Variants in THSD7B observed in about 807,000 individuals in gnomAD.
THSD7B encodes thrombospondin type-1 domain-containing protein 7B.
Under a neutral mutation model 213.6 loss-of-function variants are expected in THSD7B, and 138 were observed. The observed-to-expected ratio is 0.65, with a 90% confidence interval of 0.56 to 0.74. The LOEUF (loss-of-function observed/expected upper bound fraction) is 0.74, where lower values mean the gene tolerates loss of function less well. Among genes scored for constraint, THSD7B ranks in the 30% least tolerant of loss-of-function variants. THSD7B has a pLI of 0.00. For synonymous variants in THSD7B, 742 were observed against 687.0 expected (o/e 1.08, Z -1.25); for missense variants, 1,931 against 1,991.5 (o/e 0.97, Z 0.58).
intron 2 of THSD7B, among the ~76,000 whole-genome samples, chr2:136,888,510 AAT>A (rs1428016367): frequency 6.6e-6 from 1 of 152,136 alleles, no homozygotes; most frequent in African/African-American, 2.4e-5. Context: ...TATTTTTTAA[AAT>A]ATGTGCTAGA....
chr2:137,089,109 T>C (rs1397834789), intron 3 of THSD7B, among the ~76,000 whole-genome samples: 5 of 151,908 alleles, frequency 3.3e-5, no homozygotes, highest in Admixed American at 1.3e-4. Flanking sequence ...GATCCAGCAA[T>C]CCTACTACCC....
intron 2 of THSD7B, among the ~76,000 whole-genome samples, chr2:136,928,153 C>T (rs946255797): frequency 3.3e-5 from 5 of 152,214 alleles, no homozygotes; most frequent in African/African-American, 1.2e-4. Flanking sequence ...TACCAAACAT[C>T]ATAGCTTAGC....
chr2:137,577,201 G>A (rs1293341754), intron 17 of THSD7B, among the ~76,000 whole-genome samples: 6 of 151,944 alleles, frequency 3.9e-5, no homozygotes, highest in Non-Finnish European at 8.8e-5. Context: ...CATTACTCAG[G>A]GGCTTGCAGC....
chr2:137,142,636 C>T (rs536321999), intron 5 of THSD7B, among the ~76,000 whole-genome samples: 1 of 152,072 alleles, frequency 6.6e-6, no homozygotes, highest in South Asian at 2.1e-4. Context: ...TATCTTTTCT[C>T]ACTTAATATT....
intron 2 of THSD7B, among the ~76,000 whole-genome samples, chr2:136,921,780 T>G (rs1350162268): frequency 1.3e-5 from 2 of 152,218 alleles, no homozygotes; most frequent in African/African-American, 4.8e-5. Flanking sequence ...ACTGTCGTTT[T>G]CATTACAGTC....
chr2:137,115,031 A>G (rs1688419590), intron 4 of THSD7B, 93 bp from the exon 5 acceptor site: 27 of 1,420,842 alleles, frequency 1.9e-5, no homozygotes, highest in Non-Finnish European at 2.4e-5. Flanking sequence ...AGAAAGAGAG[A>G]TTATGCCTCT....
intron 12 of THSD7B, among the ~76,000 whole-genome samples, chr2:137,320,971 C>A (rs574815329): frequency 6.6e-6 from 1 of 152,166 alleles, no homozygotes; most frequent in Non-Finnish European, 1.5e-5. Context: ...TGGCTTTGAG[C>A]GTGTGTGTGC....
chr2:137,486,030 G>A lies in THSD7B; in HGVS notation c.3138+35007G>A, dbSNP rs898008335. Among the ~76,000 whole-genome samples, 113 of 152,256 alleles carry A rather than the reference G, an allele frequency of 7.4e-4. 1 individual carries two copies. The highest frequency in any genetic ancestry group is 2.6e-4 in the African/African-American group (11 of 41,552). ...TGGAAAGGAACAACCGGTACCAGCC[G>A]CTGCAAAATCATGCCAAATTGTAAA... On this transcript the variant is annotated intron_variant, in intron 15 of 27. Transcript: ENST00000409968.
chr2:136,871,241 G>A (rs1295666028), intron 1 of THSD7B, among the ~76,000 whole-genome samples: 1 of 152,130 alleles, frequency 6.6e-6, no homozygotes, highest in Non-Finnish European at 1.5e-5. Flanking sequence ...GTTCAGGGGC[G>A]AAGTCAGGTT....
chr2:137,142,677 C>G (rs1215238084), intron 5 of THSD7B, among the ~76,000 whole-genome samples: 1 of 152,004 alleles, frequency 6.6e-6, no homozygotes, highest in Non-Finnish European at 1.5e-5. Flanking sequence ...TATGTTATCA[C>G]ACTAGGTAGG....
intron 1 of THSD7B, among the ~76,000 whole-genome samples, chr2:136,857,906 A>G (rs1346086299): frequency 6.6e-6 from 1 of 152,216 alleles, no homozygotes; most frequent in African/African-American, 2.4e-5. Context: ...TTGCTGTTCT[A>G]GCATCTGTAG....
intron 2 of THSD7B, among the ~76,000 whole-genome samples, chr2:136,957,614 A>G (rs1438820496): frequency 6.6e-6 from 1 of 151,928 alleles, no homozygotes; most frequent in Non-Finnish European, 1.5e-5. Flanking sequence ...TTGTATGGGG[A>G]TTAAAGCACT....
At chr2:137,481,669 T>A (rs1688307890) in intron 15 of THSD7B, among the ~76,000 whole-genome samples, 1 of 152,206 alleles carries the variant, frequency 6.6e-6, no homozygotes, top group Non-Finnish European at 1.5e-5. Flanking sequence ...CTAATAAACC[T>A]TTATTTATAA....
At chr2:137,030,031 C>T (rs1014052660) in intron 2 of THSD7B, among the ~76,000 whole-genome samples, 1 of 152,162 alleles carries the variant, frequency 6.6e-6, no homozygotes, top group African/African-American at 2.4e-5. Flanking sequence ...TGAGAAGCAG[C>T]TCCTGCCCAC....
At chr2:136,983,186 C>T (rs999169397) in intron 2 of THSD7B, among the ~76,000 whole-genome samples, 1 of 152,022 alleles carries the variant, frequency 6.6e-6, no homozygotes, top group African/African-American at 2.4e-5. Context: ...AAATAACCAT[C>T]TTGATTTAGT....
intron 2 of THSD7B, among the ~76,000 whole-genome samples, chr2:136,941,857 C>T (rs1684834404): frequency 6.6e-6 from 1 of 152,094 alleles, no homozygotes; most frequent in African/African-American, 2.4e-5. Context: ...TTAATTAGAT[C>T]CCATTTGTTT....
At chr2:136,946,998 C>T (rs1328303119) in intron 2 of THSD7B, among the ~76,000 whole-genome samples, 5 of 152,188 alleles carry the variant, frequency 3.3e-5, no homozygotes, top group Non-Finnish European at 7.3e-5. Flanking sequence ...CACCCACTGT[C>T]CAACCAGTCC....
intron 12 of THSD7B, among the ~76,000 whole-genome samples, chr2:137,297,441 T>C (rs1257615271): frequency 2.6e-5 from 4 of 152,088 alleles, no homozygotes; most frequent in Middle Eastern, 3.4e-3. Context: ...TTTTCTTTCT[T>C]TTTTTAAGCT....
Position 137,620,733 on chromosome 2 carries a change from G to T in THSD7B, c.3799+7G>T. ...CAGACCTGTGGCCATGGAGGTATTGGTTTCCCCATATTTCCCACTAACTAG... is the reference window on the plus strand; with the variant it reads ...CAGACCTGTGGCCATGGAGGTATTGTTTTCCCCATATTTCCCACTAACTAG... On this transcript the variant is annotated splice_region_variant and intron_variant, in intron 20 of 27. Coordinates refer to ENST00000409968, the MANE Select transcript of THSD7B (RefSeq NM_001316349.2). 6.2e-7 allele frequency: 1 copy of T among 1,606,950 alleles called. No homozygotes were observed. Among genetic ancestry groups the T allele is most frequent in the Non-Finnish European group, 8.5e-7 (1 of 1,174,244 alleles).
Sources: allele counts gnomAD v4.1 joint callset (sites outside exome capture counted in the v4.1 genomes callset), GRCh38; gene constraint gnomAD v4.1.1; transcripts MANE v1.5; gene names NCBI Gene and HGNC (gene_info 2026-07-23, HGNC 2026-07-21).